The following PLEKHA4 variants were observed in gnomAD, a reference collection of about 807,000 sequenced individuals.
PLEKHA4 encodes pleckstrin homology domain-containing family A member 4.
A neutral mutation model predicts 94.7 loss-of-function variants in PLEKHA4; 73 were observed. The ratio of observed to expected loss-of-function variants is 0.77; its 90% CI spans 0.64 to 0.94. The LOEUF (loss-of-function observed/expected upper bound fraction) is 0.94, where lower values mean the gene tolerates loss of function less well. PLEKHA4 is among the 40% of genes least tolerant of loss of function. The probability of loss-of-function intolerance (pLI) is 0.00; values close to 1 mark genes in which losing one functional copy is unlikely to be tolerated. For missense variants in PLEKHA4, 1,049 were observed against 1,054.1 expected (o/e 1.00, Z 0.07); for synonymous variants, 449 against 437.1 (o/e 1.03, Z -0.34).
Position 48,841,453 on chromosome 19 carries a change from A to G in PLEKHA4, c.1744-143T>C. 2 of 837,950 alleles carry G rather than the reference A, an allele frequency of 2.4e-6. 1 individual carries two copies. The highest frequency in any genetic ancestry group is 3.5e-6 in the Non-Finnish European group (2 of 570,736). 51.9% of individuals were successfully genotyped at this position (837,950 alleles called of 1,614,324 possible). A position where few individuals can be genotyped will look rare whatever the true frequency, so the allele number is the denominator to read the frequency against. ...ACCAGCCTGGCCAACTTGGCGAAAT[A>G]CCATCTCTACTAAAAATACAAAAAT... On this transcript the variant is annotated intron_variant, in intron 16 of 19. Coordinates refer to ENST00000263265, the MANE Select transcript of PLEKHA4 (RefSeq NM_020904.3).
At chr19:48,853,950 A>G in intron 11 of PLEKHA4, 57 bp downstream of exon 11, 1 of 1,602,020 alleles carries the variant, frequency 6.2e-7, no homozygotes, top group South Asian at 1.1e-5. Context: ...GCATTCAGGA[A>G]GGGCTCAGGG....
Position 48,865,502 on chromosome 19 carries a change from C to T in PLEKHA4, c.192+1G>A, listed in dbSNP as rs1304945189. The T allele has an allele frequency of 2.5e-6, 4 of 1,612,700 alleles. No individual in the cohort carries two copies. Among genetic ancestry groups the T allele is most frequent in the Non-Finnish European group, 3.4e-6 (4 of 1,178,916 alleles). ...CCTTTTCCTTCTCCTACTGACCCCA[C>T]CTGCTTATGAAGCCAGCCTCGGATG... On this transcript the variant is annotated splice_donor_variant, in intron 3 of 19. Transcript: ENST00000263265. LOFTEE classifies it high-confidence loss of function.
chr19:48,858,794 A>C, intron 8 of PLEKHA4, 66 bp downstream of exon 8: 1 of 1,574,000 alleles, frequency 6.4e-7, no homozygotes. Flanking sequence ...GGCCTTGAGA[A>C]TACGGAAAGA....
rs117249193 is a variant in PLEKHA4 at position 48,861,265 on chromosome 19, C to G, written c.366+136G>C. On this transcript the variant is annotated intron_variant, in intron 5 of 19. Transcript: ENST00000263265. ...CAAAACAAAACGAGGATGCAATTGA[C>G]GCTTGTCAAGACCTTTTATCTCCAG... 6.3e-5 allele frequency: 50 copies of G among 791,366 alleles called. No individual in the cohort carries two copies. The Middle Eastern group carries it at 3.1e-3, about 50-fold the overall frequency. 49.0% of individuals were successfully genotyped at this position (791,366 alleles called of 1,614,324 possible).
At chr19:48,866,036 A>G (rs2036823326) in intron 2 of PLEKHA4, among the ~76,000 whole-genome samples, 1 of 151,562 alleles carries the variant, frequency 6.6e-6, no homozygotes, top group African/African-American at 2.4e-5. Context: ...AAAAAGAAAG[A>G]AAGAAAAGGG....
At position 48,837,634 on chromosome 19, in the gene PLEKHA4, G is replaced by A. The variant is rs2035584527; in HGVS notation, c.2078-83C>T. 1 of 1,519,662 alleles carries A rather than the reference G, an allele frequency of 6.6e-7. No individual in the cohort carries two copies. Among genetic ancestry groups the A allele is most frequent in the Non-Finnish European group, 9.0e-7 (1 of 1,114,548 alleles). The allele number at this position is 1,519,662 out of a possible 1,614,324, so 94.1% of individuals were successfully genotyped here. A position where few individuals can be genotyped will look rare whatever the true frequency, so the allele number is the denominator to read the frequency against. Reference sequence around the variant, plus strand: ...CCCAGCCCCTCCTCCCTCAGACCCAGGACTCCGGATTCCCAGCCCCTCCTC... The same window carrying A: ...CCCAGCCCCTCCTCCCTCAGACCCAAGACTCCGGATTCCCAGCCCCTCCTC... On this transcript the variant is annotated intron_variant, in intron 19 of 19. Transcript: ENST00000263265. The surrounding 1 kb of genome is among the most constrained non-coding windows in gnomAD (Gnocchi z 4.3).
At chr19:48,851,837 G>A (rs1169708657) in intron 13 of PLEKHA4, among the ~76,000 whole-genome samples, 2 of 151,534 alleles carry the variant, frequency 1.3e-5, no homozygotes, top group Non-Finnish European at 2.9e-5. Context: ...CTAGCTACTT[G>A]GGAGGCTGAG....
chr19:48,845,180 T>C, intron 16 of PLEKHA4, 190 bp downstream of exon 16: 1 of 580,226 alleles, frequency 1.7e-6, no homozygotes, highest in Admixed American at 3.1e-5. Context: ...CACAGAGAGG[T>C]TTAATAACTG....
At chr19:48,866,104 A>G (rs979048968) in intron 2 of PLEKHA4, among the ~76,000 whole-genome samples, 1 of 151,808 alleles carries the variant, frequency 6.6e-6, no homozygotes, top group African/African-American at 2.4e-5. Context: ...TTGCAGAGTT[A>G]AGAGACTCTT....
intron 13 of PLEKHA4, among the ~76,000 whole-genome samples, chr19:48,850,415 A>T (rs1568542027): frequency 6.6e-6 from 1 of 152,026 alleles, no homozygotes; most frequent in Non-Finnish European, 1.5e-5. Flanking sequence ...GCGGCAGGAG[A>T]ATTGCTTGAG....
At chr19:48,846,624 C>T (rs192257190) in intron 14 of PLEKHA4, among the ~76,000 whole-genome samples, 182 of 152,122 alleles carry the variant, frequency 1.2e-3, no homozygotes, top group African/African-American at 4.2e-3. Flanking sequence ...AAGAATTCGC[C>T]GGGCATGGTG....
intron 17 of PLEKHA4, among the ~76,000 whole-genome samples, chr19:48,840,119 A>G (rs2035704579): frequency 6.6e-6 from 1 of 151,854 alleles, no homozygotes; most frequent in Non-Finnish European, 1.5e-5. Flanking sequence ...AAAAAAGAAA[A>G]AAAAAATCTA....
intron 14 of PLEKHA4, among the ~76,000 whole-genome samples, chr19:48,847,497 C>T (rs919903490): frequency 9.2e-5 from 14 of 152,050 alleles, no homozygotes; most frequent in African/African-American, 3.1e-4. Context: ...TTTGGGAGGC[C>T]GAGGCAGGCG....
intron 9 of PLEKHA4, among the ~76,000 whole-genome samples, chr19:48,856,728 CAAAG>C (rs1046365490): frequency 7.8e-6 from 1 of 128,512 alleles, no homozygotes; most frequent in Non-Finnish European, 1.7e-5. Flanking sequence ...AAGAAAAAAA[CAAAG>C]AAAAAAATAC....
intron 12 of PLEKHA4, among the ~76,000 whole-genome samples, chr19:48,852,897 C>T (rs1374316239): frequency 6.6e-6 from 1 of 151,948 alleles, no homozygotes; most frequent in Non-Finnish European, 1.5e-5. Flanking sequence ...CCAGGCGCTG[C>T]ACTCCAGCCT....
chr19:48,859,757 G>A lies in PLEKHA4; in HGVS notation c.477-73C>T, dbSNP rs2036566982. Reference sequence around the variant, plus strand: ...AGCCCTATTCTCTTGTCACAGGTGAGAACACAAGGATGCACCCAAAAAAGG... The same window carrying A: ...AGCCCTATTCTCTTGTCACAGGTGAAAACACAAGGATGCACCCAAAAAAGG... On this transcript the variant is annotated intron_variant, in intron 6 of 19. Transcript: ENST00000263265. 3.6e-6 allele frequency: 5 copies of A among 1,386,490 alleles called. No individual in the cohort carries two copies. In the South Asian group the frequency reaches 6.1e-5, roughly 17 times the overall value. 85.9% of individuals were successfully genotyped at this position (1,386,490 alleles called of 1,614,324 possible). A position where few individuals can be genotyped will look rare whatever the true frequency, so the allele number is the denominator to read the frequency against.
In PLEKHA4 at chr19:48,841,212, G is replaced by A. The variant is rs1348835192; in HGVS notation, c.1842C>T (p.Pro614=). 1 of 1,613,144 alleles carries A rather than the reference G, an allele frequency of 6.2e-7. No homozygotes were observed. Among genetic ancestry groups the A allele is most frequent in the African/African-American group, 1.3e-5 (1 of 74,910 alleles). The part of the protein sequence containing the change: ...CGRPFPRPTS[P]RLLTLGRTLS... Reference sequence around the variant, plus strand: ...GTGTCCTTCCCAGGGTGAGAAGCCGGGGGGAGGTCGGGCGAGGGAAGGGCC... The same window carrying A: ...GTGTCCTTCCCAGGGTGAGAAGCCGAGGGGAGGTCGGGCGAGGGAAGGGCC... Residue 614 remains proline, a synonymous_variant, in exon 17 of 20, where the codon CCC becomes CCT. Transcript: ENST00000263265.
chr19:48,867,439 A>C lies in PLEKHA4; in HGVS notation c.84+98T>G. The stretch of plus-strand genomic sequence containing the variant: ...CTATGTCTGGCAGACCCCGTTGCTA[A>C]GGATCTTTGTCCTTAACAACCAGAG... On this transcript the variant is annotated intron_variant, in intron 2 of 19. Coordinates refer to ENST00000263265, the MANE Select transcript of PLEKHA4 (RefSeq NM_020904.3). The surrounding 1 kb of genome is among the most constrained non-coding windows in gnomAD (Gnocchi z 4.7). The C allele has an allele frequency of 1.4e-6, 2 of 1,385,954 alleles. No individual in the cohort carries two copies. Among genetic ancestry groups the C allele is most frequent in the Non-Finnish European group, 2.0e-6 (2 of 1,017,028 alleles). The allele number at this position is 1,385,954 out of a possible 1,614,324, so 85.9% of individuals were successfully genotyped here. A position where few individuals can be genotyped will look rare whatever the true frequency, so the allele number is the denominator to read the frequency against.
intron 8 of PLEKHA4, 71 bp downstream of exon 8, chr19:48,858,789 T>G (rs2036522056): frequency 1.4e-5 from 22 of 1,559,704 alleles, no homozygotes; most frequent in Non-Finnish European, 1.9e-5. Flanking sequence ...GCAATGGCCT[T>G]GAGAATACGG....
Sources: allele counts gnomAD v4.1 joint callset (sites outside exome capture counted in the v4.1 genomes callset), GRCh38; gene constraint gnomAD v4.1.1; non-coding constraint Gnocchi (gnomAD v3.1); transcripts MANE v1.5; gene names NCBI Gene and HGNC (gene_info 2026-07-23, HGNC 2026-07-21).